Variants in HDAC9 observed in about 807,000 individuals in gnomAD.
HDAC9 encodes the protein MEF-2 interacting transcription repressor (MITR) protein.
A neutral mutation model predicts 139.4 loss-of-function variants in HDAC9; 41 were observed. That is an observed-to-expected ratio of 0.29 (90% confidence interval 0.23 to 0.38). The LOEUF is 0.38. Among genes scored for constraint, HDAC9 ranks in the 10% least tolerant of loss-of-function variants. HDAC9 has a pLI of 1.00. For synonymous variants in HDAC9, 517 were observed against 476.2 expected (o/e 1.09, Z -1.12); for missense variants, 1,147 against 1,297.0 (o/e 0.88, Z 1.78).
At chr7:18,681,071 G>A (rs535629415) in intron 12 of HDAC9, among the ~76,000 whole-genome samples, 1 of 151,956 alleles carries the variant, frequency 6.6e-6, no homozygotes, top group South Asian at 2.1e-4. Flanking sequence ...CTATTTTGTT[G>A]GTAAAAACTG....
intron 14 of HDAC9, among the ~76,000 whole-genome samples, chr7:18,752,400 C>T (rs1445112492): frequency 1.3e-5 from 2 of 152,074 alleles, no homozygotes; most frequent in Non-Finnish European, 1.5e-5. Flanking sequence ...GGTCCCAGCT[C>T]AGGTGTGAGT....
intron 1 of HDAC9, among the ~76,000 whole-genome samples, chr7:18,104,083 C>T (rs756078120): frequency 1.6e-4 from 25 of 152,182 alleles, no homozygotes; most frequent in South Asian, 4.2e-4. Context: ...GGGAGGAAAC[C>T]GGAGTACCCA....
chr7:18,214,903 T>C (rs897761156), intron 2 of HDAC9, among the ~76,000 whole-genome samples: 10 of 152,116 alleles, frequency 6.6e-5, no homozygotes, highest in African/African-American at 1.9e-4. Context: ...TTATTACTTT[T>C]GACTATTTTG....
Position 18,629,400 on chromosome 7 carries a change from G to C in HDAC9, c.715G>C (p.Glu239Gln). Residue 239 changes from glutamate (E) to glutamine (Q), a missense_variant, in exon 7 of 26, where the codon GAG becomes CAG. This residue lies in a region of HDAC9 where 264 missense variants were observed against 273.8 expected (regional missense o/e 0.96). Coordinates refer to ENST00000686413, the MANE Select transcript of HDAC9 (RefSeq NM_178425.4). ...VRSRLKQKVA[E>Q]RRSSPLLRRK... ...GTCCAGGTTAAAACAGAAAGTGGCA[G>C]AGAGGAGAAGCAGCCCCTTACTCAG... The C allele has an allele frequency of 6.2e-7, 1 of 1,611,208 alleles. No individual in the cohort carries two copies. Among genetic ancestry groups the C allele is most frequent in the Non-Finnish European group, 8.5e-7 (1 of 1,178,848 alleles).
intron 11 of HDAC9, among the ~76,000 whole-genome samples, chr7:18,664,326 A>G (rs532210298): frequency 6.6e-6 from 1 of 152,090 alleles, no homozygotes; most frequent in African/African-American, 2.4e-5. Context: ...AAATTTCTTC[A>G]TTGTGATATG....
At chr7:18,768,747 C>T (rs1790033586) in intron 16 of HDAC9, among the ~76,000 whole-genome samples, 1 of 152,098 alleles carries the variant, frequency 6.6e-6, no homozygotes, top group South Asian at 2.1e-4. Context: ...CATCAAACCC[C>T]ACTCTTTAGA....
At chr7:18,898,697 C>G (rs1438166656) in intron 22 of HDAC9, among the ~76,000 whole-genome samples, 1 of 151,774 alleles carries the variant, frequency 6.6e-6, no homozygotes, top group African/African-American at 2.4e-5. Flanking sequence ...TTGGAATTCA[C>G]ATTTACAACA....
In HDAC9 at chr7:19,000,086, T is replaced by C. The variant is rs1186779018; in HGVS notation, c.*4024T>C. 1.3e-5 allele frequency: 2 copies of C among 152,230 alleles called. No individual in the cohort carries two copies. The highest frequency in any genetic ancestry group is 4.8e-5 in the African/African-American group (2 of 41,454). 9.4% of individuals were successfully genotyped at this position (152,230 alleles called of 1,614,324 possible). ...GAACTATTTTCATAAAGATGGCGTT[T>C]TCACTTTCAAAAGAAATGAAAACCA... On this transcript the variant is annotated 3_prime_UTR_variant, in exon 26 of 26. Transcript: ENST00000686413.
chr7:18,761,417 C>T (rs1233204677), intron 14 of HDAC9, among the ~76,000 whole-genome samples: 1 of 152,128 alleles, frequency 6.6e-6, no homozygotes, highest in Non-Finnish European at 1.5e-5. Context: ...GTTTAATTTC[C>T]AATCTGTCAG....
intron 2 of HDAC9, among the ~76,000 whole-genome samples, chr7:18,265,082 A>T (rs867478991): frequency 2.0e-5 from 3 of 152,176 alleles, no homozygotes; most frequent in African/African-American, 7.2e-5. Context: ...AGGAGTCTCA[A>T]TGCTGGCTGA....
At chr7:18,126,339 G>T (rs1252674632) in intron 1 of HDAC9, among the ~76,000 whole-genome samples, 1 of 152,084 alleles carries the variant, frequency 6.6e-6, no homozygotes, top group African/African-American at 2.4e-5. Context: ...ATAGCGTTGG[G>T]TCAGTTTTTA....
At chr7:18,561,368 G>T (rs574952528) in intron 2 of HDAC9, among the ~76,000 whole-genome samples, 5 of 152,086 alleles carry the variant, frequency 3.3e-5, no homozygotes, top group Non-Finnish European at 5.9e-5. Flanking sequence ...GAAATATTTT[G>T]TTCTGTATAT....
intron 12 of HDAC9, 53 bp from the exon 13 acceptor site, chr7:18,727,527 C>T (rs1279856579): frequency 1.4e-6 from 2 of 1,454,668 alleles, no homozygotes; most frequent in Non-Finnish European, 9.3e-7. Flanking sequence ...CTCAGTGTCT[C>T]CCTCAATCCT....
chr7:18,345,214 A>C (rs1167702273), intron 1 of HDAC9, among the ~76,000 whole-genome samples: 2 of 151,974 alleles, frequency 1.3e-5, no homozygotes, highest in Non-Finnish European at 2.9e-5. Context: ...AAAGCCCAGA[A>C]TTTTCTTTCT....
At chr7:18,902,079 AC>A (rs1318463819) in intron 22 of HDAC9, among the ~76,000 whole-genome samples, 2 of 152,196 alleles carry the variant, frequency 1.3e-5, no homozygotes, top group East Asian at 3.9e-4. Context: ...CTCACAGGCA[AC>A]TGTTGCTGGA....
intron 15 of HDAC9, among the ~76,000 whole-genome samples, chr7:18,763,411 C>T (rs984176339): frequency 6.6e-6 from 1 of 151,906 alleles, no homozygotes; most frequent in African/African-American, 2.4e-5. Context: ...AGAAGTAAGA[C>T]CAGAGGGGAA....
intron 12 of HDAC9, chr7:18,667,057 C>G (rs151116208): frequency 1.0e-6 from 1 of 985,290 alleles, no homozygotes; most frequent in African/African-American, 1.7e-5. Flanking sequence ...GCCAGTAGTC[C>G]TAGGTTATTG....
At position 18,193,665 on chromosome 7, in the gene HDAC9, C is replaced by CTCA. The variant is rs529388666; in HGVS notation, c.25+31318_25+31320dup. 6.2e-4 allele frequency among the ~76,000 whole-genome samples: 94 copies of CTCA among 152,238 alleles called. 1 individual carries two copies. The highest frequency in any genetic ancestry group is 5.6e-3 in the Admixed American group (86 of 15,286). On this transcript the variant is annotated intron_variant, in intron 2 of 12. Coordinates refer to the HDAC9 transcript ENST00000417496. The stretch of plus-strand genomic sequence containing the variant: ...CTATAATATTTTCTCTATATTTGCT[C>CTCA]TCATAACACATTGATTTATATTGAA...
chr7:18,669,861 C>T (rs1369747860), intron 12 of HDAC9, among the ~76,000 whole-genome samples: 1 of 151,584 alleles, frequency 6.6e-6, no homozygotes, highest in African/African-American at 2.4e-5. Flanking sequence ...AAAAATTCAC[C>T]TTCTCATTGG....
Sources: allele counts gnomAD v4.1 joint callset (sites outside exome capture counted in the v4.1 genomes callset), GRCh38; gene constraint gnomAD v4.1.1; regional missense constraint gnomAD v4.1.1; transcripts MANE v1.5; gene names NCBI Gene and HGNC (gene_info 2026-07-23, HGNC 2026-07-21).